NRXN3: variants seen among roughly 807,000 people sequenced by gnomAD.
NRXN3 encodes neurexin III.
A neutral mutation model predicts 137.6 loss-of-function variants in NRXN3; 32 were observed. That is an observed-to-expected ratio of 0.23 (90% CI 0.18 to 0.31). The LOEUF (loss-of-function observed/expected upper bound fraction) is 0.31. NRXN3 is among the 10% of genes least tolerant of loss of function. The probability of loss-of-function intolerance (pLI) is 1.00; values close to 1 mark genes in which losing one functional copy is unlikely to be tolerated. For synonymous variants in NRXN3, 798 were observed against 784.5 expected, an observed-to-expected ratio of 1.02 and a Z score of -0.29; for missense variants, 1,574 against 2,062.5, an observed-to-expected ratio of 0.76 and a Z score of 4.59.
intron 19 of NRXN3, among the ~76,000 whole-genome samples, chr14:79,734,306 A>G (rs1270483386): frequency 6.6e-6 from 1 of 152,226 alleles, no homozygotes; most frequent in Non-Finnish European, 1.5e-5. Context: ...AGGGACCAAG[A>G]CAGGATGTAG....
rs1175503415 is a variant in NRXN3, at chr14:79,866,809, A to T, written c.*4845A>T. 1.3e-5 allele frequency: 2 copies of T among 152,212 alleles called. No homozygotes were observed. Among genetic ancestry groups the T allele is most frequent in the African/African-American group, 4.8e-5 (2 of 41,450 alleles). 9.4% of individuals were successfully genotyped at this position (152,212 alleles called of 1,614,324 possible). A position where few individuals can be genotyped will look rare whatever the true frequency, so the allele number is the denominator to read the frequency against. ...ATCTTCTTGGAGAGAATGGGATCAG[A>T]AACTGACATATTGCTACAGAGGTTA... is the stretch of plus-strand genomic sequence containing the variant. On this transcript the variant is annotated 3_prime_UTR_variant, in exon 21 of 21. Coordinates refer to ENST00000335750, the MANE Select transcript of NRXN3 (RefSeq NM_001330195.2).
At chr14:78,226,844 A>G (rs2064740782) in intron 1 of NRXN3, among the ~76,000 whole-genome samples, 1 of 152,248 alleles carries the variant, frequency 6.6e-6, no homozygotes, top group South Asian at 2.1e-4. Context: ...TGGAAACTGT[A>G]TTCAAATTAT....
intron 4 of NRXN3, chr14:78,403,654 T>A (rs2092274756): frequency 3.2e-6 from 3 of 940,430 alleles, no homozygotes; most frequent in South Asian, 9.8e-5. Flanking sequence ...GTGAGAGAGT[T>A]GCAAAATCAC....
At chr14:78,306,923 AC>A (rs1437756255) in intron 4 of NRXN3, among the ~76,000 whole-genome samples, 1 of 152,138 alleles carries the variant, frequency 6.6e-6, no homozygotes, top group Non-Finnish European at 1.5e-5. Context: ...AGATGTAACA[AC>A]CACCTTTCCT....
intron 10 of NRXN3, among the ~76,000 whole-genome samples, chr14:78,911,983 A>C (rs1028664738): frequency 1.3e-5 from 2 of 151,700 alleles, no homozygotes; most frequent in Non-Finnish European, 2.9e-5. Context: ...GGTTTGTTAC[A>C]TATGTATACA....
chr14:78,412,422 T>C (rs1342449881), intron 4 of NRXN3, among the ~76,000 whole-genome samples: 1 of 152,174 alleles, frequency 6.6e-6, no homozygotes, highest in African/African-American at 2.4e-5. Context: ...AGGTGTTTTT[T>C]TACTGTTCTG....
intron 10 of NRXN3, among the ~76,000 whole-genome samples, chr14:78,917,972 A>T (rs1301228848): frequency 7.6e-6 from 1 of 131,016 alleles, no homozygotes; most frequent in East Asian, 2.3e-4. Context: ...TAAAAAAAAT[A>T]AAAAAATAAA....
intron 15 of NRXN3, among the ~76,000 whole-genome samples, chr14:79,443,058 T>C (rs996303872): frequency 4.6e-5 from 7 of 152,246 alleles, no homozygotes; most frequent in Non-Finnish European, 8.8e-5. Flanking sequence ...AACTTGGTGA[T>C]AGTCCATTTA....
intron 15 of NRXN3, among the ~76,000 whole-genome samples, chr14:79,304,074 A>T (rs1397773806): frequency 6.6e-6 from 1 of 152,110 alleles, no homozygotes; most frequent in Non-Finnish European, 1.5e-5. Flanking sequence ...TACACAAGCA[A>T]GGGAAACGTG....
chr14:79,264,569 T>C (rs1008254494), intron 15 of NRXN3, among the ~76,000 whole-genome samples: 1 of 151,588 alleles, frequency 6.6e-6, no homozygotes, highest in African/African-American at 2.4e-5. Flanking sequence ...CGCGCGTGCA[T>C]GTATGTCCCC....
At chr14:78,693,171 A>G (rs1196657309) in intron 6 of NRXN3, among the ~76,000 whole-genome samples, 1 of 152,036 alleles carries the variant, frequency 6.6e-6, no homozygotes, top group East Asian at 1.9e-4. Context: ...AGCCTTCATT[A>G]TTAGTCTTAG....
At chr14:79,143,150 C>T (rs7154545) in intron 15 of NRXN3, among the ~76,000 whole-genome samples, 74,511 of 151,994 alleles carry the variant, frequency 0.49, 21,114 homozygotes, top group East Asian at 0.77. Flanking sequence ...AACAGTCAAG[C>T]CTTTCTCATT....
At chr14:78,592,393 C>T (rs2152407437) in intron 4 of NRXN3, among the ~76,000 whole-genome samples, 1 of 152,300 alleles carries the variant, frequency 6.6e-6, no homozygotes, top group Non-Finnish European at 1.5e-5. Context: ...CGTGTGTTCT[C>T]TGACACAGGG....
At chr14:79,370,313 G>GT (rs201167922) in intron 15 of NRXN3, among the ~76,000 whole-genome samples, 132 of 111,332 alleles carry the variant, frequency 1.2e-3, no homozygotes, top group East Asian at 5.1e-3. Context: ...GTTTTTTTGG[G>GT]TTTTTTTTTG....
chr14:79,181,701 AT>A (rs1157316671), intron 15 of NRXN3, among the ~76,000 whole-genome samples: 6 of 151,312 alleles, frequency 4.0e-5, no homozygotes, highest in Admixed American at 6.6e-5. Flanking sequence ...AAAAAAAAAA[AT>A]CTTATGATAA....
At chr14:79,824,226 A>G (rs531634396) in intron 20 of NRXN3, among the ~76,000 whole-genome samples, 4 of 152,298 alleles carry the variant, frequency 2.6e-5, no homozygotes, top group East Asian at 1.9e-4. Flanking sequence ...CTCTCCCTCG[A>G]TAGGATGTCC....
intron 15 of NRXN3, among the ~76,000 whole-genome samples, chr14:79,036,695 C>G (rs2099616696): frequency 6.9e-6 from 1 of 144,228 alleles, no homozygotes; most frequent in Non-Finnish European, 1.5e-5. Flanking sequence ...ATGATAACGA[C>G]AGTCCCGAAG....
At chr14:79,683,729 A>C (rs1245906801) in intron 17 of NRXN3, among the ~76,000 whole-genome samples, 2 of 152,100 alleles carry the variant, frequency 1.3e-5, no homozygotes, top group African/African-American at 4.8e-5. Context: ...GATTACCTGG[A>C]AATCTTTCAC....
intron 3 of NRXN3, among the ~76,000 whole-genome samples, chr14:78,290,921 A>C (rs764523573): frequency 5.8e-4 from 88 of 152,234 alleles, no homozygotes; most frequent in Non-Finnish European, 9.8e-4. Context: ...CGTTTTAAAG[A>C]GAGAAGTGGC....
Sources: gnomAD v4.1 joint callset for allele counts (sites outside exome capture counted in the v4.1 genomes callset) on GRCh38, gnomAD v4.1.1 for gene constraint, MANE v1.5 for transcripts, NCBI Gene and HGNC (gene_info 2026-07-23, HGNC 2026-07-21) for gene names.